Variants in ADK observed in about 807,000 individuals in gnomAD.
ADK encodes N6,N6-dimethyladenosine kinase.
A neutral mutation model predicts 44.7 loss-of-function variants in ADK; 24 were observed. The observed-to-expected ratio is 0.54, with a 90% CI of 0.39 to 0.76. The LOEUF is 0.76. ADK is among the 30% of genes least tolerant of loss of function. ADK has a pLI of 0.00. For missense variants in ADK, 321 were observed against 425.1 expected (o/e 0.76, Z 2.15); for synonymous variants, 128 against 142.6 (o/e 0.90, Z 0.73).
At chr10:74,328,228 T>A (rs1203994856) in intron 4 of ADK, among the ~76,000 whole-genome samples, 1 of 152,210 alleles carries the variant, frequency 6.6e-6, no homozygotes, top group East Asian at 1.9e-4. Context: ...GAATTTTTGA[T>A]GTTACAACTT....
intron 4 of ADK, among the ~76,000 whole-genome samples, chr10:74,315,796 C>T (rs1280550444): frequency 6.6e-6 from 1 of 152,124 alleles, no homozygotes; most frequent in Non-Finnish European, 1.5e-5. Flanking sequence ...CAGATTTAAT[C>T]ATAGTTTTCA....
At position 74,308,531 on chromosome 10, in the gene ADK, CT is replaced by C. The variant is rs150280177; in HGVS notation, c.195-6135del. ...TACAATTTGCCTGTCGATTCCCCCC[CT>C]GTGTTATTCTATTAACATTTGATCT... On this transcript the variant is annotated intron_variant, in intron 3 of 10. Coordinates refer to ENST00000539909, the MANE Select transcript of ADK (RefSeq NM_006721.4). Among the ~76,000 whole-genome samples, 635 of 152,258 alleles carry C rather than the reference CT, an allele frequency of 4.2e-3. 5 individuals carry two copies. The highest frequency in any genetic ancestry group is 0.014 in the African/African-American group (600 of 41,550).
At chr10:74,573,911 C>T (rs1026348314) in intron 7 of ADK, among the ~76,000 whole-genome samples, 2 of 152,194 alleles carry the variant, frequency 1.3e-5, no homozygotes, top group Admixed American at 6.5e-5. Flanking sequence ...CCGTCTGTCA[C>T]CCCTTTCTTT....
At chr10:74,264,947 T>G (rs1475562325) in intron 3 of ADK, among the ~76,000 whole-genome samples, 4 of 152,214 alleles carry the variant, frequency 2.6e-5, no homozygotes, top group African/African-American at 9.6e-5. Context: ...AATGTTTCAG[T>G]TGAATTTTCC....
chr10:74,403,776 AC>A (rs1843802854), intron 6 of ADK, among the ~76,000 whole-genome samples: 1 of 152,162 alleles, frequency 6.6e-6, no homozygotes, highest in African/African-American at 2.4e-5. Flanking sequence ...AGTGAGATGA[AC>A]CTGGTACCTC....
intron 6 of ADK, among the ~76,000 whole-genome samples, chr10:74,474,555 C>T (rs1020141452): frequency 2.7e-5 from 4 of 150,112 alleles, no homozygotes; most frequent in African/African-American, 4.9e-5. Context: ...CTCCTTTCTC[C>T]CTCCCCTCCC....
intron 6 of ADK, among the ~76,000 whole-genome samples, chr10:74,468,086 G>A (rs1266651676): frequency 6.6e-6 from 1 of 152,096 alleles, no homozygotes; most frequent in Non-Finnish European, 1.5e-5. Context: ...ATTCAGTAAG[G>A]GTCCCAGGTG....
At chr10:74,681,842 T>G (rs1024901772) in intron 10 of ADK, among the ~76,000 whole-genome samples, 1 of 117,914 alleles carries the variant, frequency 8.5e-6, no homozygotes, top group African/African-American at 3.1e-5. Flanking sequence ...AGAGTGAGAC[T>G]CCATCTCAAA....
intron 6 of ADK, among the ~76,000 whole-genome samples, chr10:74,402,645 T>C (rs1298336045): frequency 6.6e-6 from 1 of 152,180 alleles, no homozygotes; most frequent in Non-Finnish European, 1.5e-5. Context: ...GCCTGTCGTC[T>C]AATCTTTTTT....
chr10:74,218,169 C>G (rs1294174082), intron 2 of ADK, among the ~76,000 whole-genome samples: 1 of 152,014 alleles, frequency 6.6e-6, no homozygotes, highest in Non-Finnish European at 1.5e-5. Flanking sequence ...CAGAGAAGTG[C>G]TTAAAGGAGC....
At chr10:74,358,673 C>T (rs1457575418) in intron 4 of ADK, among the ~76,000 whole-genome samples, 2 of 152,130 alleles carry the variant, frequency 1.3e-5, no homozygotes, top group Non-Finnish European at 2.9e-5. Context: ...TGTTTGGCCA[C>T]AAGGGAAAGA....
chr10:74,616,840 T>A (rs146719847), intron 9 of ADK, among the ~76,000 whole-genome samples: 4 of 152,310 alleles, frequency 2.6e-5, no homozygotes, highest in Non-Finnish European at 5.9e-5. Context: ...CAGTATTTTG[T>A]CTTCCAATCC....
chr10:74,706,070 A>T (rs939169398), intron 10 of ADK, among the ~76,000 whole-genome samples: 5 of 152,170 alleles, frequency 3.3e-5, no homozygotes, highest in Admixed American at 2.6e-4. Flanking sequence ...GTGGTAACTT[A>T]TACATGTAAT....
intron 6 of ADK, among the ~76,000 whole-genome samples, chr10:74,503,259 AG>A (rs1847941080): frequency 6.6e-6 from 1 of 152,216 alleles, no homozygotes. Flanking sequence ...CAGATTCTAC[AG>A]AGTGAATAAA....
At chr10:74,423,239 G>C (rs1844633697) in intron 6 of ADK, among the ~76,000 whole-genome samples, 2 of 152,208 alleles carry the variant, frequency 1.3e-5, no homozygotes, top group Admixed American at 1.3e-4. Context: ...AATTGAATTA[G>C]TATTTGTACA....
chr10:74,540,934 A>G (rs1849605012), intron 7 of ADK, among the ~76,000 whole-genome samples: 1 of 152,228 alleles, frequency 6.6e-6, no homozygotes, highest in Non-Finnish European at 1.5e-5. Context: ...AAATTCTGAC[A>G]TGAGGGAAAT....
chr10:74,597,022 G>C (rs933356975), intron 8 of ADK, among the ~76,000 whole-genome samples: 1 of 152,092 alleles, frequency 6.6e-6, no homozygotes, highest in African/African-American at 2.4e-5. Context: ...ACTCCTCCCT[G>C]TCTTCATCTT....
intron 7 of ADK, among the ~76,000 whole-genome samples, chr10:74,553,496 G>A (rs1778938138): frequency 6.6e-6 from 1 of 152,068 alleles, no homozygotes; most frequent in Non-Finnish European, 1.5e-5. Flanking sequence ...ACCGCGCCTG[G>A]CCTATGTATT....
chr10:74,687,905 G>T (rs1855850838), intron 10 of ADK, among the ~76,000 whole-genome samples: 1 of 152,012 alleles, frequency 6.6e-6, no homozygotes, highest in Admixed American at 6.6e-5. Context: ...TCCATTTTCT[G>T]TATAATAGCC....
Sources: gnomAD v4.1 joint callset for allele counts (sites outside exome capture counted in the v4.1 genomes callset) on GRCh38, gnomAD v4.1.1 for gene constraint, MANE v1.5 for transcripts, NCBI Gene and HGNC (gene_info 2026-07-23, HGNC 2026-07-21) for gene names.